The following ARL13B variants were observed in gnomAD, a reference collection of about 807,000 sequenced individuals.
ARL13B encodes the protein ADP-ribosylation factor-like protein 13B.
A neutral mutation model predicts 56.1 loss-of-function variants in ARL13B; 36 were observed. The ratio of observed to expected loss-of-function variants is 0.64; its 90% CI spans 0.49 to 0.85. The LOEUF is 0.85. Ranked by LOEUF, ARL13B falls within the 40% of genes least tolerant of loss-of-function variation. ARL13B has a pLI of 0.00. For missense variants in ARL13B, 519 were observed against 507.1 expected, an observed-to-expected ratio of 1.02 and a Z score of -0.23; for synonymous variants, 178 against 171.1, an observed-to-expected ratio of 1.04 and a Z score of -0.32.
chr3:94,028,738 T>G (rs1293354331), intron 3 of ARL13B: 2 of 152,200 alleles, frequency 1.3e-5, no homozygotes, highest in Non-Finnish European at 2.9e-5. Flanking sequence ...GCACTGGATC[T>G]GCAAATTTAG....
chr3:94,016,503 A>G (rs2076335945), intron 3 of ARL13B, among the ~76,000 whole-genome samples: 3 of 152,236 alleles, frequency 2.0e-5, no homozygotes. Context: ...TTTATACTAA[A>G]AATAACAAAA....
intron 1 of ARL13B, among the ~76,000 whole-genome samples, chr3:93,995,555 A>G (rs2075952229): frequency 6.6e-6 from 1 of 152,182 alleles, no homozygotes; most frequent in South Asian, 2.1e-4. Flanking sequence ...TAGCCATGAT[A>G]GAGAACTCAG....
chr3:94,010,115 T>A (rs1467505762), intron 3 of ARL13B, among the ~76,000 whole-genome samples: 2 of 152,078 alleles, frequency 1.3e-5, no homozygotes, highest in Middle Eastern at 3.2e-3. Flanking sequence ...ATAGCAAAAA[T>A]TGAGAACTAC....
intron 3 of ARL13B, among the ~76,000 whole-genome samples, chr3:94,015,848 A>G (rs749281073): frequency 1.3e-5 from 2 of 152,150 alleles, no homozygotes; most frequent in Non-Finnish European, 2.9e-5. Flanking sequence ...TACTTGGCAT[A>G]ATGTTTTTTC....
chr3:94,022,906 T>G (rs1203234027), intron 3 of ARL13B, among the ~76,000 whole-genome samples: 1 of 152,054 alleles, frequency 6.6e-6, no homozygotes, highest in Non-Finnish European at 1.5e-5. Flanking sequence ...TAATTCATTC[T>G]AAAACTGAAG....
At chr3:94,043,866 C>T (rs1042062987) in intron 7 of ARL13B, among the ~76,000 whole-genome samples, 4 of 149,916 alleles carry the variant, frequency 2.7e-5, no homozygotes, top group South Asian at 2.1e-4. Context: ...CCATGTTGAC[C>T]GATCTGGTCT....
At chr3:93,992,837 G>A in intron 1 of ARL13B, among the ~76,000 whole-genome samples, 1 of 152,034 alleles carries the variant, frequency 6.6e-6, no homozygotes, top group East Asian at 1.9e-4. Context: ...CTGTTGCCCA[G>A]GCTGGAGTAC....
At chr3:94,004,706 A>G (rs2076105234) in intron 3 of ARL13B, among the ~76,000 whole-genome samples, 1 of 152,030 alleles carries the variant, frequency 6.6e-6, no homozygotes, top group Non-Finnish European at 1.5e-5. Context: ...TCAGTAGTAA[A>G]TGAACATTTT....
intron 3 of ARL13B, among the ~76,000 whole-genome samples, chr3:94,022,860 A>G (rs1180602818): frequency 6.6e-6 from 1 of 152,070 alleles, no homozygotes. Flanking sequence ...TTAATTACCA[A>G]AGTTTTTCAC....
chr3:94,028,472 C>G (rs1273695625), intron 3 of ARL13B: 1 of 152,214 alleles, frequency 6.6e-6, no homozygotes, highest in African/African-American at 2.4e-5. Context: ...TTATCTAAAT[C>G]TCTGTCTTAT....
chr3:94,051,033 T>C, intron 9 of ARL13B, 141 bp downstream of exon 9: 1 of 710,702 alleles, frequency 1.4e-6, no homozygotes, highest in Middle Eastern at 3.0e-4. Flanking sequence ...TATACGTCTT[T>C]TTTCATTTTA....
intron 1 of ARL13B, 36 bp downstream of exon 1, chr3:93,980,518 G>T (rs1476284923): frequency 6.2e-7 from 1 of 1,605,856 alleles, no homozygotes; most frequent in Non-Finnish European, 8.5e-7. Context: ...CGTCCTAGGG[G>T]TTGGAGATGG....
At chr3:94,034,289 A>G in intron 3 of ARL13B, among the ~76,000 whole-genome samples, 1 of 152,188 alleles carries the variant, frequency 6.6e-6, no homozygotes, top group South Asian at 2.1e-4. Flanking sequence ...ATTTTTAAAG[A>G]TAGGTGGGAA....
intron 3 of ARL13B, among the ~76,000 whole-genome samples, chr3:94,026,757 T>A (rs2076566704): frequency 6.6e-6 from 1 of 152,194 alleles, no homozygotes; most frequent in Non-Finnish European, 1.5e-5. Flanking sequence ...GGAAGAGTTA[T>A]ATACAAATAT....
intron 3 of ARL13B, among the ~76,000 whole-genome samples, chr3:94,019,093 A>G (rs1294105915): frequency 2.6e-5 from 4 of 151,106 alleles, no homozygotes; most frequent in East Asian, 2.0e-4. Flanking sequence ...TTTTTTTTCT[A>G]CATTTCATAT....
Position 94,003,889 on chromosome 3 carries a change from T to C in ARL13B, c.361T>C (p.Ser121Pro), listed in dbSNP as rs748155623. 2.5e-6 allele frequency: 4 copies of C among 1,613,194 alleles called. No homozygotes were observed. In the African/African-American group the frequency reaches 5.3e-5, roughly 22 times the overall value. ...AGAAATGCTAAGACATCCTAGGATA[T>C]CGGGAAAGCCTATATTGGTGTAAGT... ...MSEMLRHPRI[S>P]GKPILVLANK... is the part of the protein sequence containing the mutation. The change falls in exon 3 of 10, where the codon TCG (serine) becomes CCG (proline). Residue 121 changes from serine (S) to proline (P), a missense_variant. Physicochemically the swap from Ser to Pro is moderately conservative, Grantham distance 74. Transcript: ENST00000394222.
At chr3:93,999,157 T>C (rs1451447635) in intron 2 of ARL13B, among the ~76,000 whole-genome samples, 1 of 151,912 alleles carries the variant, frequency 6.6e-6, no homozygotes. Context: ...CCCAGGATGG[T>C]CTTGAACTCC....
At chr3:93,981,865 CAAAAAAAAAAA>C (rs11396818) in intron 1 of ARL13B, among the ~76,000 whole-genome samples, 1 of 68,390 alleles carries the variant, frequency 1.5e-5, no homozygotes, top group Non-Finnish European at 2.8e-5. Context: ...AACCCTGTCT[CAAAAAAAAAAA>C]AAAAAAAAAA....
intron 7 of ARL13B, among the ~76,000 whole-genome samples, chr3:94,045,833 C>T (rs1257928678): frequency 1.3e-5 from 2 of 151,048 alleles, no homozygotes; most frequent in Non-Finnish European, 2.9e-5. Flanking sequence ...CGCCTGTGGT[C>T]CCAGCTACTC....
Sources: gnomAD v4.1 joint callset for allele counts (sites outside exome capture counted in the v4.1 genomes callset) on GRCh38, gnomAD v4.1.1 for gene constraint, MANE v1.5 for transcripts, NCBI Gene and HGNC (gene_info 2026-07-23, HGNC 2026-07-21) for gene names.